The following ARK2N variants were observed in gnomAD, a reference collection of about 807,000 sequenced individuals.
ARK2N encodes the protein arkadia (RNF111) N-terminal like PKA signaling regulator 2N.
chr18:46,199,920 T>C, the ARK2N span, among the ~76,000 whole-genome samples: 2 of 152,160 alleles, frequency 1.3e-5, no homozygotes, highest in African/African-American at 4.8e-5. Flanking sequence ...TCCTGTGGAC[T>C]TAAGCTTGTG....
the ARK2N span, among the ~76,000 whole-genome samples, chr18:46,260,051 T>C: frequency 1.3e-5 from 2 of 151,574 alleles, no homozygotes; most frequent in Non-Finnish European, 2.9e-5. Flanking sequence ...TTTTGCCTGT[T>C]TTTGAACAAA....
At chr18:46,221,149 C>T in the ARK2N span, among the ~76,000 whole-genome samples, 9 of 151,224 alleles carry the variant, frequency 6.0e-5, no homozygotes, top group Non-Finnish European at 1.3e-4. Context: ...AAAATCCAAA[C>T]AAAAACAAAA....
the ARK2N span, chr18:46,215,690 A>C: frequency 1.7e-5 from 8 of 463,206 alleles, no homozygotes; most frequent in Non-Finnish European, 2.3e-5. Context: ...ATAATAATAT[A>C]TATATATTTT....
the ARK2N span, among the ~76,000 whole-genome samples, chr18:46,258,455 C>T: frequency 2.6e-5 from 4 of 152,064 alleles, no homozygotes; most frequent in East Asian, 7.7e-4. Flanking sequence ...GCTGTGTGTG[C>T]GCGCACACAC....
the ARK2N span, among the ~76,000 whole-genome samples, chr18:46,253,047 C>T: frequency 1.3e-5 from 2 of 152,218 alleles, no homozygotes; most frequent in Non-Finnish European, 2.9e-5. Context: ...GTACAAGTTA[C>T]ATTTCAGTTG....
chr18:46,260,946 GT>G, the ARK2N span, among the ~76,000 whole-genome samples: 1 of 152,100 alleles, frequency 6.6e-6, no homozygotes, highest in Non-Finnish European at 1.5e-5. Flanking sequence ...ACTGCTTGAC[GT>G]TACATTGTAT....
the ARK2N span, among the ~76,000 whole-genome samples, chr18:46,179,662 G>A: frequency 7.2e-6 from 1 of 139,072 alleles, no homozygotes. Flanking sequence ...TTTCGCTCTT[G>A]TTGCCCAGGC....
the ARK2N span, among the ~76,000 whole-genome samples, chr18:46,260,945 C>T: frequency 6.6e-6 from 1 of 152,176 alleles, no homozygotes; most frequent in Non-Finnish European, 1.5e-5. Flanking sequence ...CACTGCTTGA[C>T]GTTACATTGT....
the ARK2N span, among the ~76,000 whole-genome samples, chr18:46,257,553 C>T: frequency 6.6e-6 from 1 of 152,150 alleles, no homozygotes; most frequent in Admixed American, 6.5e-5. Flanking sequence ...TTTGGACAGT[C>T]CAGTTTCACA....
chr18:46,196,901 G>A, the ARK2N span, among the ~76,000 whole-genome samples: 1 of 152,190 alleles, frequency 6.6e-6, no homozygotes, highest in African/African-American at 2.4e-5. Context: ...CTCTCCAAGA[G>A]TGCCCTCATG....
chr18:46,195,453 T>C, the ARK2N span, among the ~76,000 whole-genome samples: 1 of 151,578 alleles, frequency 6.6e-6, no homozygotes, highest in Non-Finnish European at 1.5e-5. Context: ...CTCATGATGT[T>C]ACCCAGGCTG....
At chr18:46,235,649 T>C in the ARK2N span, among the ~76,000 whole-genome samples, 1 of 152,228 alleles carries the variant, frequency 6.6e-6, no homozygotes, top group Non-Finnish European at 1.5e-5. Context: ...CCTATGCTGC[T>C]ACCAGTCTCA....
chr18:46,179,406 T>C, the ARK2N span, among the ~76,000 whole-genome samples: 2 of 152,182 alleles, frequency 1.3e-5, no homozygotes, highest in Non-Finnish European at 2.9e-5. Context: ...TCTGAATCCT[T>C]TTAGCCTTTA....
the ARK2N span, among the ~76,000 whole-genome samples, chr18:46,227,308 C>T: frequency 4.6e-5 from 7 of 152,040 alleles, no homozygotes; most frequent in South Asian, 2.1e-4. Context: ...TTCTTAGGAA[C>T]GTTACTCAGA....
chr18:46,244,703 G>A, the ARK2N span, among the ~76,000 whole-genome samples: 1 of 149,482 alleles, frequency 6.7e-6, no homozygotes. Context: ...CCGGGTTCAA[G>A]TAATTTTCGT....
At chr18:46,245,573 TAA>T in the ARK2N span, among the ~76,000 whole-genome samples, 8 of 117,376 alleles carry the variant, frequency 6.8e-5, no homozygotes, top group African/African-American at 1.1e-4. Context: ...TCTGTCTCAA[TAA>T]AAAAAAAAAA....
chr18:46,246,249 G>A, the ARK2N span, among the ~76,000 whole-genome samples: 1 of 152,078 alleles, frequency 6.6e-6, no homozygotes, highest in Non-Finnish European at 1.5e-5. Context: ...GTGAGGCGGG[G>A]TGGGGAGGGG....
chr18:46,195,559 CTTTTTTTTT>C, the ARK2N span, among the ~76,000 whole-genome samples: 43 of 72,670 alleles, frequency 5.9e-4, no homozygotes, highest in African/African-American at 1.5e-3. Context: ...CCCACATAAA[CTTTTTTTTT>C]TTTTTTTTTT....
the ARK2N span, among the ~76,000 whole-genome samples, chr18:46,259,764 C>A: frequency 9.6e-6 from 1 of 104,294 alleles, no homozygotes; most frequent in African/African-American, 3.1e-5. Flanking sequence ...CACTACCCCA[C>A]CCAGCTACTG....
Sources: gnomAD v4.1 joint callset for allele counts (sites outside exome capture counted in the v4.1 genomes callset) on GRCh38, gnomAD v4.1.1 for gene constraint, MANE v1.5 for transcripts, NCBI Gene and HGNC (gene_info 2026-07-23, HGNC 2026-07-21) for gene names.